Variants in RELL2 observed in about 807,000 individuals in gnomAD.
The protein encoded by RELL2 is RELT-like protein 2.
Under a neutral mutation model 27.5 loss-of-function variants are expected in RELL2, and 18 were observed. The observed-to-expected ratio is 0.65, with a 90% CI of 0.45 to 0.97. RELL2 has a LOEUF of 0.97. RELL2 is among the 50% of genes least tolerant of loss of function. The pLI is 0.00. For missense variants in RELL2, 370 were observed against 397.5 expected, an observed-to-expected ratio of 0.93 and a Z score of 0.59; for synonymous variants, 156 against 147.5, an observed-to-expected ratio of 1.06 and a Z score of -0.42.
In RELL2 at chr5:141,639,979, CCA is replaced by C. The variant is rs2099906647; in HGVS notation, c.566_567del (p.Thr189ArgfsTer36). ...CTGCACGAACACCGTGATGGCTCCC[CCA>C]CAGACAGGAGCTGGGGCTCTGGTGG... On this transcript the variant is annotated frameshift_variant, in exon 5 of 7. Transcript: ENST00000297164. LOFTEE classifies it high-confidence loss of function. The surrounding 1 kb of genome is among the most constrained non-coding windows in gnomAD (Gnocchi z 4.4). 1 of 1,613,936 alleles carries C rather than the reference CCA, an allele frequency of 6.2e-7. No homozygotes were observed.
rs879261835 is a variant in RELL2 at position 141,640,978 on chromosome 5, C to A, written c.*309C>A. On this transcript the variant is annotated 3_prime_UTR_variant, in exon 7 of 7. Transcript: ENST00000297164. ...CCCCTAAAGCAATAGCACCGTAGGC[C>A]CCCTGCCCTCTTAGCACAAGAGGCC... is the stretch of plus-strand genomic sequence containing the variant. The A allele has an allele frequency of 2.2e-6, 1 of 457,104 alleles. No homozygotes were observed. The allele number at this position is 457,104 out of a possible 1,614,324, so 28.3% of individuals were successfully genotyped here. A position where few individuals can be genotyped will look rare whatever the true frequency, so the allele number is the denominator to read the frequency against.
chr5:141,639,973 G>T lies in RELL2; in HGVS notation c.557G>T (p.Gly186Val), dbSNP rs1477504969. 6.2e-7 allele frequency: 1 copy of T among 1,613,932 alleles called. No homozygotes were observed. The highest frequency in any genetic ancestry group is 8.5e-7 in the Non-Finnish European group (1 of 1,179,990). ...KRYGLHEHRD[G>V]SPTDRSWGSG... Reference sequence around the variant, plus strand: ...TATGGACTGCACGAACACCGTGATGGCTCCCCCACAGACAGGAGCTGGGGC... The same window carrying T: ...TATGGACTGCACGAACACCGTGATGTCTCCCCCACAGACAGGAGCTGGGGC... Residue 186 changes from glycine to valine, a missense_variant, in exon 5 of 7, where the codon GGC becomes GTC. Coordinates refer to ENST00000297164, the MANE Select transcript of RELL2 (RefSeq NM_173828.5). This position sits in a 1 kb window ranked among gnomAD's most constrained non-coding sequence, Gnocchi z 4.4.
Position 141,640,005 on chromosome 5 carries a change from G to T in RELL2, c.589G>T (p.Gly197Trp), listed in dbSNP as rs146298065. 645 of 1,613,504 alleles carry T rather than the reference G, an allele frequency of 4.0e-4. No homozygotes were observed. The highest frequency in any genetic ancestry group is 5.3e-4 in the Non-Finnish European group (620 of 1,179,786). Residue 197 changes from glycine (G) to tryptophan (W), a missense_variant, in exon 5 of 7, where the codon GGG becomes TGG. By Grantham distance (184) the Gly-to-Trp change is radical (BLOSUM62 -2). Transcript: ENST00000297164. ...CACAGACAGGAGCTGGGGCTCTGGTGGGGGACAGGACCCAGGGGGTGGTCA... is the reference window on the plus strand; with the variant it reads ...CACAGACAGGAGCTGGGGCTCTGGTTGGGGACAGGACCCAGGGGGTGGTCA... ...SPTDRSWGSG[G>W]GQDPGGGQGS...
At position 141,637,941 on chromosome 5, in the gene RELL2, A is replaced by T; in HGVS notation, c.-285A>T. On this transcript the variant is annotated 5_prime_UTR_variant, in exon 1 of 7. In the 5' UTR this introduces an upstream ATG that the reference lacks. Coordinates refer to ENST00000297164, the MANE Select transcript of RELL2 (RefSeq NM_173828.5). ...CTGCAGTGTCCTTGGGAGGGACAGAAGCGCGAACAAGCTGGAAAGGGGAAC... is the reference window on the plus strand; with the variant it reads ...CTGCAGTGTCCTTGGGAGGGACAGATGCGCGAACAAGCTGGAAAGGGGAAC... The T allele has an allele frequency of 2.6e-6, 1 of 382,774 alleles. No homozygotes were observed. The highest frequency in any genetic ancestry group is 3.5e-5 in the South Asian group (1 of 28,802). 23.7% of individuals were successfully genotyped at this position (382,774 alleles called of 1,614,324 possible).
chr5:141,640,753 C>A lies in RELL2; in HGVS notation c.*84C>A. On this transcript the variant is annotated 3_prime_UTR_variant, in exon 7 of 7. Coordinates refer to ENST00000297164, the MANE Select transcript of RELL2 (RefSeq NM_173828.5). ...GAAAGCCCTCCCCTCCACTGGACAG[C>A]ACTGCCCCCCAGCTGAGGGACCAGC... The A allele has an allele frequency of 7.6e-7, 1 of 1,307,414 alleles. No homozygotes were observed. The highest frequency in any genetic ancestry group is 1.0e-6 in the Non-Finnish European group (1 of 958,250). The allele number at this position is 1,307,414 out of a possible 1,614,324, so 81.0% of individuals were successfully genotyped here.
Position 141,640,057 on chromosome 5 carries a change from C to T in RELL2, c.641C>T (p.Ala214Val), listed in dbSNP as rs762859903. ...GQGSGGGQPK[A>V]GMPAMERLPP... ...GGGTCTGGGGGAGGGCAGCCCAAGG[C>T]AGGGATGCCTGCCATGGAGAGGCTG... The change falls in exon 5 of 7, where the codon GCA becomes GTA. Residue 214 changes from alanine (A) to valine (V), a missense_variant. By Grantham distance (64) the Ala-to-Val change is moderately conservative. Coordinates refer to ENST00000297164, the MANE Select transcript of RELL2 (RefSeq NM_173828.5). The T allele has an allele frequency of 3.1e-6, 5 of 1,613,248 alleles. No individual in the cohort carries two copies. Among genetic ancestry groups the T allele is most frequent in the Non-Finnish European group, 3.4e-6 (4 of 1,179,640 alleles).
Position 141,638,263 on chromosome 5 carries a change from A to G in RELL2, c.38A>G (p.His13Arg), listed in dbSNP as rs2099906374. 1.2e-6 allele frequency: 2 copies of G among 1,613,470 alleles called. No homozygotes were observed. The highest frequency in any genetic ancestry group is 2.7e-5 in the African/African-American group (2 of 74,778). ...CAGCCTGACCTGGAACCGCCCCAACATGGGCTATATATGCTCTTCCTGCTT... is the reference window on the plus strand; with the variant it reads ...CAGCCTGACCTGGAACCGCCCCAACGTGGGCTATATATGCTCTTCCTGCTT... ...EPQPDLEPPQHGLYMLFLLVL... is the reference protein window; with the variant it reads ...EPQPDLEPPQRGLYMLFLLVL... Residue 13 changes from histidine (H) to arginine (R), a missense_variant, in exon 1 of 7, where the codon CAT becomes CGT. Physicochemically the swap from His to Arg is conservative, Grantham distance 29 (BLOSUM62 0). Coordinates refer to ENST00000297164, the MANE Select transcript of RELL2 (RefSeq NM_173828.5).
chr5:141,639,400 T>A lies in RELL2; in HGVS notation c.318-64T>A. 1 of 1,406,016 alleles carries A rather than the reference T, an allele frequency of 7.1e-7. No individual in the cohort carries two copies. The highest frequency in any genetic ancestry group is 9.8e-7 in the Non-Finnish European group (1 of 1,025,322). The allele number at this position is 1,406,016 out of a possible 1,614,324, so 87.1% of individuals were successfully genotyped here. A position where few individuals can be genotyped will look rare whatever the true frequency, so the allele number is the denominator to read the frequency against. ...TTTTAAGGAGCATGCTGAAAGAACG[T>A]AAGAAACAAAACATGAAGGGAAATG... On this transcript the variant is annotated intron_variant, in intron 3 of 6. Coordinates refer to ENST00000297164, the MANE Select transcript of RELL2 (RefSeq NM_173828.5). This position sits in a 1 kb window ranked among gnomAD's most constrained non-coding sequence, Gnocchi z 4.4.
intron 2 of RELL2, 21 bp downstream of exon 2, chr5:141,638,881 T>C (rs763005794): frequency 6.2e-7 from 1 of 1,612,586 alleles, no homozygotes; most frequent in South Asian, 1.1e-5. Flanking sequence ...CATAGCCCCT[T>C]GCTCCCTCTT....
chr5:141,639,492 G>A lies in RELL2; in HGVS notation c.346G>A (p.Gly116Arg), dbSNP rs113111824. Reference sequence around the variant, plus strand: ...GGATGCCACCTCCAGCCTGCAGGACGGAGCCCCCTCCCATCATCACACAGT... The same window carrying A: ...GGATGCCACCTCCAGCCTGCAGGACAGAGCCCCCTCCCATCATCACACAGT... ...SVDATSSLQD[G>R]APSHHHTVHL... The change falls in exon 4 of 7, where the codon GGA becomes AGA. Residue 116 changes from glycine (G) to arginine (R), a missense_variant. Gly to Arg is a moderately radical substitution (Grantham distance 125, BLOSUM62 -2). Transcript: ENST00000297164. The surrounding 1 kb of genome is among the most constrained non-coding windows in gnomAD (Gnocchi z 4.4). 197 of 1,613,690 alleles carry A rather than the reference G, an allele frequency of 1.2e-4. No individual in the cohort carries two copies. Among genetic ancestry groups the A allele is most frequent in the African/African-American group, 5.3e-5 (4 of 74,996 alleles).
chr5:141,639,976 C>G lies in RELL2; in HGVS notation c.560C>G (p.Ser187Cys). 1 of 1,613,936 alleles carries G rather than the reference C, an allele frequency of 6.2e-7. No individual in the cohort carries two copies. Among genetic ancestry groups the G allele is most frequent in the East Asian group, 2.2e-5 (1 of 44,878 alleles). Residue 187 changes from serine (S) to cysteine (C), a missense_variant, in exon 5 of 7, where the codon TCC (serine) becomes TGC (cysteine). Transcript: ENST00000297164. This position sits in a 1 kb window ranked among gnomAD's most constrained non-coding sequence, Gnocchi z 4.4. ...GGACTGCACGAACACCGTGATGGCT[C>G]CCCCACAGACAGGAGCTGGGGCTCT... is the stretch of plus-strand genomic sequence containing the variant. ...RYGLHEHRDG[S>C]PTDRSWGSGG...
Position 141,639,181 on chromosome 5 carries a change from C to A in RELL2, c.317+160C>A. 1.5e-6 allele frequency: 1 copy of A among 645,620 alleles called. No individual in the cohort carries two copies. Among genetic ancestry groups the A allele is most frequent in the South Asian group, 1.9e-5 (1 of 51,564 alleles). 40.0% of individuals were successfully genotyped at this position (645,620 alleles called of 1,614,324 possible). ...AGTTGTTTTGTAGAAATCGCGATTC[C>A]TTCAAACCATCTCTCTCATCTAGAT... On this transcript the variant is annotated intron_variant, in intron 3 of 6. Transcript: ENST00000297164. The surrounding 1 kb of genome is among the most constrained non-coding windows in gnomAD (Gnocchi z 4.4).
chr5:141,639,606 A>C lies in RELL2; in HGVS notation c.460A>C (p.Ser154Arg). The C allele has an allele frequency of 6.2e-7, 1 of 1,613,506 alleles. No homozygotes were observed. Among genetic ancestry groups the C allele is most frequent in the Non-Finnish European group, 8.5e-7 (1 of 1,179,898 alleles). The part of the protein sequence containing the change: ...VRQGRSKEGK[S>R]RPRTGETTVF... ...TCAGGGACGCTCCAAGGAAGGAAAAAGCCGCCCCCGGACAGGGGAGACCAC... is the reference window on the plus strand; with the variant it reads ...TCAGGGACGCTCCAAGGAAGGAAAACGCCGCCCCCGGACAGGGGAGACCAC... The change falls in exon 4 of 7, where the codon AGC becomes CGC. Residue 154 changes from serine (S) to arginine (R), a missense_variant. By Grantham distance (110) the Ser-to-Arg change is moderately radical (BLOSUM62 -1). Coordinates refer to ENST00000297164, the MANE Select transcript of RELL2 (RefSeq NM_173828.5). The surrounding 1 kb of genome is among the most constrained non-coding windows in gnomAD (Gnocchi z 4.4).
rs1186947339 is a variant in RELL2 at position 141,639,366 on chromosome 5, C to T, written c.318-98C>T. 7.1e-6 allele frequency: 7 copies of T among 983,960 alleles called. No individual in the cohort carries two copies. Among genetic ancestry groups the T allele is most frequent in the Non-Finnish European group, 1.0e-5 (7 of 671,550 alleles). The allele number at this position is 983,960 out of a possible 1,614,324, so 61.0% of individuals were successfully genotyped here. ...AAAATGGGGCTTGGGGAAATTGGGG[C>T]TTCTGGGGTTTTAAGGAGCATGCTG... On this transcript the variant is annotated intron_variant, in intron 3 of 6. Transcript: ENST00000297164. This position sits in a 1 kb window ranked among gnomAD's most constrained non-coding sequence, Gnocchi z 4.4.
At position 141,639,984 on chromosome 5, in the gene RELL2, G is replaced by C. The variant is rs1231979470; in HGVS notation, c.568G>C (p.Asp190His). Residue 190 changes from aspartate (D) to histidine (H), a missense_variant, in exon 5 of 7, where the codon GAC (aspartate) becomes CAC (histidine). Asp to His is a moderately conservative substitution (Grantham distance 81). Transcript: ENST00000297164. This position sits in a 1 kb window ranked among gnomAD's most constrained non-coding sequence, Gnocchi z 4.4. ...CGAACACCGTGATGGCTCCCCCACA[G>C]ACAGGAGCTGGGGCTCTGGTGGGGG... ...LHEHRDGSPT[D>H]RSWGSGGGQD... The C allele has an allele frequency of 1.9e-6, 3 of 1,613,714 alleles. No individual in the cohort carries two copies. The highest frequency in any genetic ancestry group is 2.5e-6 in the Non-Finnish European group (3 of 1,179,918).
Position 141,639,583 on chromosome 5 carries a change from A to G in RELL2, c.437A>G (p.Gln146Arg), listed in dbSNP as rs1330991565. 1 of 1,614,002 alleles carries G rather than the reference A, an allele frequency of 6.2e-7. No individual in the cohort carries two copies. The highest frequency in any genetic ancestry group is 8.5e-7 in the Non-Finnish European group (1 of 1,180,012). ...SRSKRPPLVR[Q>R]GRSKEGKSRP... is the part of the protein sequence containing the mutation. ...AGCAAGAGGCCTCCACTTGTCCGTC[A>G]GGGACGCTCCAAGGAAGGAAAAAGC... Residue 146 changes from glutamine to arginine, a missense_variant, in exon 4 of 7, where the codon CAG becomes CGG. Coordinates refer to ENST00000297164, the MANE Select transcript of RELL2 (RefSeq NM_173828.5). The surrounding 1 kb of genome is among the most constrained non-coding windows in gnomAD (Gnocchi z 4.4).
chr5:141,638,762 C>T (rs1422696667), intron 1 of RELL2, 33 bp from the exon 2 acceptor site: 6 of 1,595,746 alleles, frequency 3.8e-6, no homozygotes, highest in Middle Eastern at 1.7e-4. Context: ...CTGACTCATT[C>T]CTGCTTCCTT....
At position 141,640,192 on chromosome 5, in the gene RELL2, C is replaced by T. The variant is rs369892061; in HGVS notation, c.776C>T (p.Ser259Phe). The T allele has an allele frequency of 4.0e-5, 64 of 1,614,070 alleles. No homozygotes were observed. The highest frequency in any genetic ancestry group is 5.4e-5 in the Non-Finnish European group (64 of 1,180,018). Reference sequence around the variant, plus strand: ...GCACTTGAAGGGAACCCCAGAGCTTCTGCAGAGCCAACACTGAGGGCCGGA... The same window carrying T: ...GCACTTGAAGGGAACCCCAGAGCTTTTGCAGAGCCAACACTGAGGGCCGGA... ...PRALEGNPRASAEPTLRAGGR... is the reference protein window; with the variant it reads ...PRALEGNPRAFAEPTLRAGGR... Residue 259 changes from serine to phenylalanine, a missense_variant, in exon 5 of 7, where the codon TCT becomes TTT. Transcript: ENST00000297164.
chr5:141,640,412 G>C lies in RELL2; in HGVS notation c.880G>C (p.Val294Leu), dbSNP rs776910084. ...PSKPDTSDHQ[V>L]SLPQGAGSM Reference sequence around the variant, plus strand: ...TGTTGACCCCTCCCCTTTCTCTCAGGTGTCTCTACCACAGGGAGCAGGGAG... The same window carrying C: ...TGTTGACCCCTCCCCTTTCTCTCAGCTGTCTCTACCACAGGGAGCAGGGAG... The change falls in exon 6 of 7, where the codon GTG becomes CTG. Residue 294 changes from valine to leucine, a missense_variant and splice_region_variant. Transcript: ENST00000297164. The C allele has an allele frequency of 1.2e-6, 2 of 1,614,146 alleles. No homozygotes were observed. Among genetic ancestry groups the C allele is most frequent in the Non-Finnish European group, 1.7e-6 (2 of 1,180,010 alleles).
Sources: allele counts gnomAD v4.1 joint callset, GRCh38; gene constraint gnomAD v4.1.1; non-coding constraint Gnocchi (gnomAD v3.1); transcripts MANE v1.5; gene names NCBI Gene and HGNC (gene_info 2026-07-23, HGNC 2026-07-21).